Variants in KCNQ5 observed in about 807,000 individuals in gnomAD.
The protein encoded by KCNQ5 is potassium voltage-gated channel subfamily Q member 5.
KCNQ5 carries 30 observed loss-of-function variants against 98.2 expected under a neutral mutation model. The ratio of observed to expected loss-of-function variants is 0.31; its 90% CI spans 0.23 to 0.41. The LOEUF (loss-of-function observed/expected upper bound fraction) is 0.41, where lower values mean the gene tolerates loss of function less well. Ranked by LOEUF, KCNQ5 falls within the 10% of genes least tolerant of loss-of-function variation. The probability of loss-of-function intolerance (pLI) is 1.00; values close to 1 mark genes in which losing one functional copy is unlikely to be tolerated. For missense variants in KCNQ5, 835 were observed against 1,182.5 expected (o/e 0.71, Z 4.31); for synonymous variants, 458 against 449.4 (o/e 1.02, Z -0.24).
intron 1 of KCNQ5, among the ~76,000 whole-genome samples, chr6:72,725,721 T>G (rs903207687): frequency 3.3e-5 from 5 of 152,182 alleles, no homozygotes; most frequent in Non-Finnish European, 7.3e-5. Flanking sequence ...GCAGCTTTGT[T>G]AATTAGCTTG....
At chr6:72,836,801 A>AAGGAAATTGATG (rs1776525337) in intron 1 of KCNQ5, among the ~76,000 whole-genome samples, 1 of 152,164 alleles carries the variant, frequency 6.6e-6, no homozygotes, top group Non-Finnish European at 1.5e-5. Context: ...TCAATTTCTA[A>AAGGAAATTGATG]AGGAAAGTGG....
chr6:73,086,670 G>T (rs1285486550), intron 5 of KCNQ5, among the ~76,000 whole-genome samples: 3 of 152,084 alleles, frequency 2.0e-5, no homozygotes, highest in African/African-American at 7.2e-5. Flanking sequence ...TAGATGTTGG[G>T]GAAATAAAGA....
intron 1 of KCNQ5, among the ~76,000 whole-genome samples, chr6:73,001,179 A>C (rs1769552239): frequency 6.6e-6 from 1 of 151,958 alleles, no homozygotes; most frequent in Non-Finnish European, 1.5e-5. Flanking sequence ...CACCTTTCCC[A>C]ACTAAATAGA....
intron 1 of KCNQ5, among the ~76,000 whole-genome samples, chr6:72,775,829 T>A (rs1454668090): frequency 6.6e-6 from 1 of 152,098 alleles, no homozygotes; most frequent in Non-Finnish European, 1.5e-5. Context: ...ACTGTCAAGG[T>A]CATCCAAAAC....
At chr6:73,024,381 T>TGATAGATAGATAGATTAGATA (rs1554198955) in intron 2 of KCNQ5, among the ~76,000 whole-genome samples, 1,562 of 120,644 alleles carry the variant, frequency 0.013, 28 homozygotes, top group African/African-American at 0.017. Flanking sequence ...GATAGATAGA[T>TGATAGATAGATAGATTAGATA]GATAGATAGA....
At chr6:72,774,849 A>T (rs1246951889) in intron 1 of KCNQ5, among the ~76,000 whole-genome samples, 1 of 152,200 alleles carries the variant, frequency 6.6e-6, no homozygotes, top group Non-Finnish European at 1.5e-5. Context: ...GATGCAGAAC[A>T]AATGGGACTT....
chr6:73,161,324 G>A (rs970889244), intron 10 of KCNQ5, among the ~76,000 whole-genome samples: 3 of 152,230 alleles, frequency 2.0e-5, no homozygotes, highest in Non-Finnish European at 4.4e-5. Flanking sequence ...TTGGAAATTG[G>A]AAGAATGGGA....
intron 1 of KCNQ5, among the ~76,000 whole-genome samples, chr6:72,829,698 G>A (rs1776152523): frequency 6.6e-6 from 1 of 152,298 alleles, no homozygotes; most frequent in Non-Finnish European, 1.5e-5. Flanking sequence ...GAGAAGGAAT[G>A]TTTCTGGACC....
At chr6:73,167,661 A>G (rs1777856415) in intron 10 of KCNQ5, among the ~76,000 whole-genome samples, 1 of 152,202 alleles carries the variant, frequency 6.6e-6, no homozygotes, top group African/African-American at 2.4e-5. Flanking sequence ...GTCTTAGTCT[A>G]TTTGCACTAC....
chr6:73,018,722 C>T (rs1770460960), intron 2 of KCNQ5, among the ~76,000 whole-genome samples: 2 of 152,130 alleles, frequency 1.3e-5, no homozygotes, highest in African/African-American at 4.8e-5. Context: ...TATGCAAATA[C>T]AGTCAATCTG....
rs140897821 is a variant in KCNQ5, at chr6:72,782,812, C to T, written c.398+160225C>T. 9.5e-4 allele frequency among the ~76,000 whole-genome samples: 145 copies of T among 152,212 alleles called. 1 individual carries two copies. Among genetic ancestry groups the T allele is most frequent in the South Asian group, 2.9e-3 (14 of 4,818 alleles). On this transcript the variant is annotated intron_variant, in intron 1 of 13. Transcript: ENST00000370398. The stretch of plus-strand genomic sequence containing the variant: ...CATTGTCCTCTTGTCTGTCTAGACT[C>T]GTAGGCTCTTACGTGCCTTATCACT...
At chr6:72,895,002 A>G (rs541394615) in intron 1 of KCNQ5, among the ~76,000 whole-genome samples, 1 of 150,542 alleles carries the variant, frequency 6.6e-6, no homozygotes, top group East Asian at 2.0e-4. Flanking sequence ...CTGATTCAGT[A>G]GGTTTAAGGT....
At chr6:72,882,613 A>G (rs1296101017) in intron 1 of KCNQ5, among the ~76,000 whole-genome samples, 1 of 152,196 alleles carries the variant, frequency 6.6e-6, no homozygotes, top group Non-Finnish European at 1.5e-5. Context: ...AATGCTCAAA[A>G]TTTTGGTCCT....
At chr6:72,888,794 G>C (rs529861301) in intron 1 of KCNQ5, among the ~76,000 whole-genome samples, 4 of 152,216 alleles carry the variant, frequency 2.6e-5, no homozygotes, top group African/African-American at 9.6e-5. Flanking sequence ...GCATTCCTGA[G>C]TAGTCCTTCA....
At chr6:73,131,059 G>A (rs766186845) in intron 9 of KCNQ5, among the ~76,000 whole-genome samples, 1 of 152,044 alleles carries the variant, frequency 6.6e-6, no homozygotes, top group Non-Finnish European at 1.5e-5. Flanking sequence ...TGCTTTAAAT[G>A]ATACTAAGAT....
intron 1 of KCNQ5, among the ~76,000 whole-genome samples, chr6:72,818,733 A>G (rs906238514): frequency 1.3e-5 from 2 of 151,272 alleles, no homozygotes; most frequent in Non-Finnish European, 3.0e-5. Context: ...TTTAATAATT[A>G]TAAAGTATGT....
chr6:72,742,314 A>G (rs1209163670), intron 1 of KCNQ5, among the ~76,000 whole-genome samples: 3 of 152,204 alleles, frequency 2.0e-5, no homozygotes, highest in African/African-American at 7.2e-5. Flanking sequence ...ATGCAGTGAA[A>G]CTTTCCTTGT....
chr6:72,776,747 A>G (rs1773179865), intron 1 of KCNQ5, among the ~76,000 whole-genome samples: 1 of 152,182 alleles, frequency 6.6e-6, no homozygotes. Context: ...AAGCACTGTG[A>G]TAGGTGCAAG....
At chr6:73,074,606 G>A (rs558210945) in intron 3 of KCNQ5, among the ~76,000 whole-genome samples, 45 of 152,070 alleles carry the variant, frequency 3.0e-4, no homozygotes, top group African/African-American at 9.9e-4. Flanking sequence ...TACTTTTTGT[G>A]CTGTAGTCTA....
Sources: gnomAD v4.1 joint callset for allele counts (sites outside exome capture counted in the v4.1 genomes callset) on GRCh38, gnomAD v4.1.1 for gene constraint, MANE v1.5 for transcripts, NCBI Gene and HGNC (gene_info 2026-07-23, HGNC 2026-07-21) for gene names.